Variants in PYY observed in about 807,000 individuals in gnomAD.
PYY encodes the protein peptide YY.
In PYY, 12 loss-of-function variants were observed where a neutral mutation model predicts 10.3. The ratio of observed to expected loss-of-function variants is 1.17; its 90% CI spans 0.75 to 1.89. PYY has a LOEUF of 1.89. Among genes scored for constraint, PYY ranks in the 40% most tolerant of loss-of-function variants. The probability of loss-of-function intolerance (pLI) is 0.00; values close to 1 mark genes in which losing one functional copy is unlikely to be tolerated. For missense variants in PYY, 141 were observed against 134.0 expected (o/e 1.05, Z -0.26); for synonymous variants, 66 against 62.0 (o/e 1.06, Z -0.30).
intron 1 of PYY, among the ~76,000 whole-genome samples, chr17:43,996,426 T>C (rs1334452704): frequency 6.6e-6 from 1 of 152,140 alleles, no homozygotes. Context: ...AGAGCATCCA[T>C]GAGCAAATAA....
At chr17:43,969,868 G>A (rs548315922) in intron 1 of PYY, among the ~76,000 whole-genome samples, 82 of 151,494 alleles carry the variant, frequency 5.4e-4, no homozygotes, top group African/African-American at 1.9e-3. Context: ...TCAGCCTCCC[G>A]AGTAGCTGGG....
At chr17:43,960,644 TG>T (rs1178816615) in intron 2 of PYY, among the ~76,000 whole-genome samples, 1 of 149,018 alleles carries the variant, frequency 6.7e-6, no homozygotes, top group Non-Finnish European at 1.5e-5. Context: ...GGTCAGGAGT[TG>T]GAGACCAGCC....
intron 1 of PYY, among the ~76,000 whole-genome samples, chr17:43,994,109 C>T (rs2048975018): frequency 6.6e-6 from 1 of 152,140 alleles, no homozygotes. Flanking sequence ...CTGCCTCAGC[C>T]TCCCAAAGTG....
upstream of PYY, chr17:43,958,135 C>CAAAAAAGAAAAAAAAAAAAAAAA (rs2048687084): frequency 2.1e-5 from 1 of 47,276 alleles, no homozygotes; most frequent in Non-Finnish European, 3.7e-5. Context: ...CTGAATACAC[C>CAAAAAAGAAAAAAAAAAAAAAAA]AAAAAAAAAA....
At chr17:43,995,220 T>C (rs887344067) in intron 1 of PYY, among the ~76,000 whole-genome samples, 1 of 152,200 alleles carries the variant, frequency 6.6e-6, no homozygotes, top group African/African-American at 2.4e-5. Context: ...CTTAGGATAT[T>C]TTCCTGAACC....
intron 2 of PYY, among the ~76,000 whole-genome samples, chr17:43,960,759 A>G (rs2048707086): frequency 6.6e-6 from 1 of 151,584 alleles, no homozygotes; most frequent in South Asian, 2.1e-4. Context: ...CTGAGGCAGC[A>G]GAATTGCTTG....
chr17:43,998,333 G>A (rs1025874716), intron 1 of PYY, among the ~76,000 whole-genome samples: 6 of 151,858 alleles, frequency 4.0e-5, no homozygotes, highest in African/African-American at 9.7e-5. Flanking sequence ...CAAGACAGGC[G>A]GATTTCATGG....
At chr17:43,985,028 C>T (rs539981099) in intron 1 of PYY, among the ~76,000 whole-genome samples, 54 of 152,040 alleles carry the variant, frequency 3.6e-4, no homozygotes, top group African/African-American at 7.5e-4. Flanking sequence ...ATAAATTTGA[C>T]GACATTAAAA....
At chr17:43,964,029 ATTACCATCAT>A (rs2048737750) in intron 2 of PYY, among the ~76,000 whole-genome samples, 1 of 130,782 alleles carries the variant, frequency 7.6e-6, no homozygotes, top group Non-Finnish European at 1.6e-5. Flanking sequence ...GTTATGTTAT[ATTACCATCAT>A]TTTTCTTTCT....
intron 1 of PYY, among the ~76,000 whole-genome samples, chr17:43,980,313 G>T (rs12449369): frequency 4.6e-5 from 7 of 151,054 alleles, no homozygotes; most frequent in Non-Finnish European, 1.0e-4. Context: ...ACAGGCATGC[G>T]CCACCATGCC....
chr17:43,993,851 AATT>A (rs147841640), intron 1 of PYY, among the ~76,000 whole-genome samples: 24 of 150,822 alleles, frequency 1.6e-4, no homozygotes, highest in Admixed American at 7.3e-4. Context: ...ATTATTTATT[AATT>A]ATTATTATTA....
intron 2 of PYY, among the ~76,000 whole-genome samples, chr17:43,962,486 T>C (rs2048719121): frequency 6.6e-6 from 1 of 152,234 alleles, no homozygotes; most frequent in Non-Finnish European, 1.5e-5. Flanking sequence ...CTACACTCTA[T>C]AGTACAGTAT....
intron 2 of PYY, among the ~76,000 whole-genome samples, chr17:43,961,060 AAAC>A (rs1424822823): frequency 6.6e-6 from 1 of 151,954 alleles, no homozygotes; most frequent in Non-Finnish European, 1.5e-5. Flanking sequence ...GTCTCTACCC[AAAC>A]AATAAAAAAT....
chr17:43,962,747 C>A (rs575304930), intron 2 of PYY, among the ~76,000 whole-genome samples: 3 of 152,256 alleles, frequency 2.0e-5, no homozygotes, highest in Admixed American at 1.3e-4. Context: ...ACAGGTGTTA[C>A]CTGGAAAGTG....
intron 1 of PYY, among the ~76,000 whole-genome samples, chr17:43,974,866 G>A (rs149401698): frequency 6.8e-4 from 103 of 152,184 alleles, no homozygotes; most frequent in African/African-American, 2.2e-3. Context: ...TTCTACAGCA[G>A]ACATATATTA....
At chr17:43,953,504 C>G (rs763575463) in intron 1 of PYY, 21 bp from the exon 2 acceptor site, 9 of 1,566,810 alleles carry the variant, frequency 5.7e-6, no homozygotes, top group Non-Finnish European at 5.2e-6. Context: ...GACATTGGGA[C>G]GTGGGTCATT....
At chr17:43,983,333 A>T (rs933431288) in intron 1 of PYY, among the ~76,000 whole-genome samples, 2 of 152,190 alleles carry the variant, frequency 1.3e-5, no homozygotes, top group Non-Finnish European at 2.9e-5. Flanking sequence ...ATGCCCTGAG[A>T]TAAGGGAAGC....
intron 1 of PYY, among the ~76,000 whole-genome samples, chr17:43,995,168 G>C (rs887676051): frequency 1.3e-5 from 2 of 152,180 alleles, no homozygotes; most frequent in African/African-American, 4.8e-5. Context: ...GTATTTTGGC[G>C]GCTGGACCTG....
chr17:43,992,688 C>T (rs1346220464), intron 1 of PYY, among the ~76,000 whole-genome samples: 2 of 151,950 alleles, frequency 1.3e-5, no homozygotes, highest in African/African-American at 4.8e-5. Flanking sequence ...GCCTGGGCAA[C>T]AAGAGCGAAA....
Sources: allele counts gnomAD v4.1 joint callset (sites outside exome capture counted in the v4.1 genomes callset), GRCh38; gene constraint gnomAD v4.1.1; transcripts MANE v1.5; gene names NCBI Gene and HGNC (gene_info 2026-07-23, HGNC 2026-07-21).